ZSCAN5A: variants seen among roughly 807,000 people sequenced by gnomAD.
ZSCAN5A encodes the protein zinc finger and SCAN domain containing 5A, also known as zinc finger and SCAN domain-containing protein 5A.
In ZSCAN5A, 12 loss-of-function variants were observed where a neutral mutation model predicts 23.7. The ratio of observed to expected loss-of-function variants is 0.51; its 90% CI spans 0.32 to 0.82. The LOEUF is 0.82. Ranked by LOEUF, ZSCAN5A falls within the 40% of genes least tolerant of loss-of-function variation. The probability of loss-of-function intolerance (pLI) is 0.03; values close to 1 mark genes in which losing one functional copy is unlikely to be tolerated. For missense variants in ZSCAN5A, 597 were observed against 617.9 expected (o/e 0.97, Z 0.36); for synonymous variants, 257 against 239.9 (o/e 1.07, Z -0.66).
At chr19:56,339,868 A>G (rs565103822) in intron 2 of ZSCAN5A, among the ~76,000 whole-genome samples, 8 of 151,974 alleles carry the variant, frequency 5.3e-5, no homozygotes, top group South Asian at 2.1e-4. Flanking sequence ...AGCAATATGT[A>G]AAGGAGGAAT....
At chr19:56,328,513 G>A (rs1471518897) in intron 2 of ZSCAN5A, among the ~76,000 whole-genome samples, 16 of 151,318 alleles carry the variant, frequency 1.1e-4, no homozygotes, top group South Asian at 8.3e-4. Context: ...ATGGTGGTGC[G>A]CACCTGTAAT....
At chr19:56,334,849 C>G (rs756558768) in intron 2 of ZSCAN5A, among the ~76,000 whole-genome samples, 2 of 152,174 alleles carry the variant, frequency 1.3e-5, no homozygotes, top group African/African-American at 2.4e-5. Flanking sequence ...AGAAAAAAAT[C>G]AGCACAAGAA....
intron 2 of ZSCAN5A, among the ~76,000 whole-genome samples, chr19:56,299,278 C>T (rs1292833234): frequency 6.6e-6 from 1 of 151,856 alleles, no homozygotes; most frequent in East Asian, 1.9e-4. Flanking sequence ...ACCACAGGCA[C>T]GAGACACCAC....
Position 56,222,280 on chromosome 19 carries a change from G to A in ZSCAN5A, c.786C>T (p.Ala262=). ...AKEGKDPPKI[A]SVENVDADTP... ...TGTCAGCATCCACATTTTCCACAGA[G>A]GCTATTTTTGGGGGGTCCTTCCCCT... is the stretch of plus-strand genomic sequence containing the variant. Residue 262 remains alanine (A), a synonymous_variant, in exon 6 of 6, where the codon GCC becomes GCT. Transcript: ENST00000683990. The A allele has an allele frequency of 6.2e-7, 1 of 1,613,352 alleles. No homozygotes were observed. Among genetic ancestry groups the A allele is most frequent in the Admixed American group, 1.7e-5 (1 of 60,010 alleles).
At chr19:56,256,912 A>G (rs1274512726) in intron 2 of ZSCAN5A, among the ~76,000 whole-genome samples, 1 of 152,128 alleles carries the variant, frequency 6.6e-6, no homozygotes, top group East Asian at 1.9e-4. Flanking sequence ...GAAAAAAAAA[A>G]GCAAACAGGT....
chr19:56,286,841 C>G (rs893859445), intron 2 of ZSCAN5A, among the ~76,000 whole-genome samples: 2 of 152,230 alleles, frequency 1.3e-5, no homozygotes, highest in Non-Finnish European at 1.5e-5. Context: ...GCTAGAGATG[C>G]CCGGCAGAGC....
intron 1 of ZSCAN5A, among the ~76,000 whole-genome samples, chr19:56,313,803 A>G (rs2041194787): frequency 6.6e-6 from 1 of 152,078 alleles, no homozygotes; most frequent in Non-Finnish European, 1.5e-5. Flanking sequence ...TTTGATGTAA[A>G]ATGAAGTTAA....
intron 2 of ZSCAN5A, chr19:56,246,941 C>T: frequency 1.9e-6 from 3 of 1,558,890 alleles, no homozygotes; most frequent in Non-Finnish European, 2.7e-6. Context: ...GGAGGAGCCA[C>T]ACCTGTGGGC....
At chr19:56,246,298 T>G in intron 2 of ZSCAN5A, 1 of 350,350 alleles carries the variant, frequency 2.9e-6, no homozygotes, top group Non-Finnish European at 5.2e-6. Flanking sequence ...GTCATTGCTG[T>G]TGGTTTTCCA....
At chr19:56,273,811 G>C (rs1406544340) in intron 2 of ZSCAN5A, among the ~76,000 whole-genome samples, 2 of 152,156 alleles carry the variant, frequency 1.3e-5, no homozygotes, top group African/African-American at 4.8e-5. Context: ...TATCCTCAGG[G>C]AAAAGGAAGC....
At chr19:56,325,263 G>C (rs1231027017) in intron 2 of ZSCAN5A, among the ~76,000 whole-genome samples, 1 of 152,148 alleles carries the variant, frequency 6.6e-6, no homozygotes, top group East Asian at 1.9e-4. Context: ...TAAAGGTATT[G>C]TGTGTGTGTC....
At chr19:56,281,831 T>A in intron 2 of ZSCAN5A, 1 of 366,228 alleles carries the variant, frequency 2.7e-6, no homozygotes, top group Non-Finnish European at 3.8e-6. Flanking sequence ...TGTCCTCAAT[T>A]CAAACATGAC....
chr19:56,330,935 T>C (rs953185815), intron 2 of ZSCAN5A, among the ~76,000 whole-genome samples: 12 of 152,214 alleles, frequency 7.9e-5, no homozygotes, highest in Admixed American at 3.9e-4. Context: ...TCTCTTAGAT[T>C]GAGGTCTTAC....
In ZSCAN5A at chr19:56,226,708, C is replaced by T. The variant is rs537486619; in HGVS notation, c.-127-1535G>A. Among the ~76,000 whole-genome samples the T allele has an allele frequency of 4.8e-3, 735 of 152,172 alleles. 4 individuals are homozygous for T. The highest frequency in any genetic ancestry group is 0.017 in the African/African-American group (699 of 41,506). On this transcript the variant is annotated intron_variant, in intron 2 of 5. Transcript: ENST00000683990. ...ACTGCATGATCCGGCAATCCCGCTC[C>T]GGGGCAGGTACACAGAGGAAAGGAA...
intron 2 of ZSCAN5A, chr19:56,311,895 T>C (rs369841849): frequency 3.4e-4 from 52 of 152,098 alleles, no homozygotes; most frequent in African/African-American, 1.2e-3. Context: ...CTAAATAAGA[T>C]AATATTTCTA....
chr19:56,338,864 A>G (rs2041565599), intron 2 of ZSCAN5A, among the ~76,000 whole-genome samples: 1 of 152,224 alleles, frequency 6.6e-6, no homozygotes, highest in African/African-American at 2.4e-5. Context: ...GTTTTGGCTG[A>G]AGCAGAAGAC....
At chr19:56,353,846 C>A (rs2041685133) in intron 2 of ZSCAN5A, among the ~76,000 whole-genome samples, 1 of 151,580 alleles carries the variant, frequency 6.6e-6, no homozygotes, top group Non-Finnish European at 1.5e-5. Flanking sequence ...GCAGTGGGAG[C>A]AAGAATATTA....
At chr19:56,288,532 G>A (rs1042613720) in intron 2 of ZSCAN5A, among the ~76,000 whole-genome samples, 1 of 152,128 alleles carries the variant, frequency 6.6e-6, no homozygotes, top group Non-Finnish European at 1.5e-5. Flanking sequence ...TGATGCTTTT[G>A]CTGTCTGCTT....
chr19:56,242,392 C>G (rs2035498322), intron 2 of ZSCAN5A, among the ~76,000 whole-genome samples: 1 of 152,156 alleles, frequency 6.6e-6, no homozygotes, highest in African/African-American at 2.4e-5. Flanking sequence ...TTTTCTTGCT[C>G]TGGAGTAGTT....
Sources: gnomAD v4.1 joint callset for allele counts (sites outside exome capture counted in the v4.1 genomes callset) on GRCh38, gnomAD v4.1.1 for gene constraint, MANE v1.5 for transcripts, NCBI Gene and HGNC (gene_info 2026-07-23, HGNC 2026-07-21) for gene names.